NRG1: variants seen among roughly 807,000 people sequenced by gnomAD.
NRG1 encodes pro-neuregulin-1, membrane-bound isoform.
A neutral mutation model predicts 63.8 loss-of-function variants in NRG1; 18 were observed. That is an observed-to-expected ratio of 0.28 (90% CI 0.19 to 0.42). The LOEUF is 0.42. NRG1 is among the 10% of genes least tolerant of loss of function. The probability of loss-of-function intolerance (pLI) is 1.00; values close to 1 mark genes in which losing one functional copy is unlikely to be tolerated. For synonymous variants in NRG1, 302 were observed against 301.3 expected (o/e 1.00, Z -0.02); for missense variants, 762 against 814.7 (o/e 0.94, Z 0.79).
At chr8:32,027,856 C>T (rs961350033) in intron 1 of NRG1, among the ~76,000 whole-genome samples, 1 of 152,100 alleles carries the variant, frequency 6.6e-6, no homozygotes, top group Non-Finnish European at 1.5e-5. Flanking sequence ...ATTCTTGAAT[C>T]TTCACTCTCT....
intron 1 of NRG1, among the ~76,000 whole-genome samples, chr8:31,914,653 C>A (rs542121053): frequency 6.6e-6 from 1 of 151,896 alleles, no homozygotes. Flanking sequence ...GTTAAGTTCA[C>A]GTTTAGGAAA....
At chr8:32,513,292 T>C (rs1424679432) in intron 1 of NRG1, among the ~76,000 whole-genome samples, 1 of 151,722 alleles carries the variant, frequency 6.6e-6, no homozygotes, top group Non-Finnish European at 1.5e-5. Context: ...GTGATATCTT[T>C]CCATATAAGG....
At chr8:32,178,253 G>T (rs1348623689) in intron 1 of NRG1, among the ~76,000 whole-genome samples, 1 of 152,126 alleles carries the variant, frequency 6.6e-6, no homozygotes, top group African/African-American at 2.4e-5. Flanking sequence ...TCTATTTTAG[G>T]TTAAGGAATT....
intron 1 of NRG1, among the ~76,000 whole-genome samples, chr8:31,997,254 T>A (rs1393248561): frequency 6.6e-6 from 1 of 151,656 alleles, no homozygotes; most frequent in Non-Finnish European, 1.5e-5. Flanking sequence ...TCCAGTTCAC[T>A]TTTCAAAGTG....
chr8:32,754,803 T>A (rs1308339809), intron 8 of NRG1, among the ~76,000 whole-genome samples: 1 of 151,884 alleles, frequency 6.6e-6, no homozygotes, highest in African/African-American at 2.4e-5. Context: ...AGAGGGAGGG[T>A]ACCAGAAGTC....
chr8:32,637,327 A>C (rs895936528), intron 5 of NRG1, among the ~76,000 whole-genome samples: 1 of 152,140 alleles, frequency 6.6e-6, no homozygotes, highest in Non-Finnish European at 1.5e-5. Flanking sequence ...TACATTGTTT[A>C]AGAGAACATG....
chr8:32,590,049 C>A (rs1216964161), intron 1 of NRG1, among the ~76,000 whole-genome samples: 1 of 152,064 alleles, frequency 6.6e-6, no homozygotes, highest in Non-Finnish European at 1.5e-5. Context: ...TGCATACCTG[C>A]ATGTTTTGAG....
intron 1 of NRG1, among the ~76,000 whole-genome samples, chr8:31,810,628 A>G (rs1034349854): frequency 6.6e-6 from 1 of 152,022 alleles, no homozygotes; most frequent in Non-Finnish European, 1.5e-5. Flanking sequence ...CACAAAATGC[A>G]CCTCCTCAGA....
At chr8:32,604,598 C>G (rs749393747) in intron 2 of NRG1, among the ~76,000 whole-genome samples, 1 of 152,044 alleles carries the variant, frequency 6.6e-6, no homozygotes, top group Non-Finnish European at 1.5e-5. Context: ...ACCCTGCTGC[C>G]CAGACTGGAG....
At chr8:31,820,731 T>A (rs913179762) in intron 1 of NRG1, among the ~76,000 whole-genome samples, 6 of 152,198 alleles carry the variant, frequency 3.9e-5, no homozygotes, top group African/African-American at 1.4e-4. Context: ...GAAAATAATT[T>A]TATAGATTAA....
In NRG1 at chr8:32,496,220, G is replaced by T. The variant is rs548704284; in HGVS notation, c.38-99608G>T. Among the ~76,000 whole-genome samples the T allele has an allele frequency of 2.0e-5, 3 of 152,256 alleles. No homozygotes were observed. In the South Asian group the frequency reaches 6.2e-4, roughly 32 times the overall value. On this transcript the variant is annotated intron_variant, in intron 1 of 10. Coordinates refer to the NRG1 transcript ENST00000519301. ...TTAAGCAGTAGTTAACAGAATATTA[G>T]ATGTTAGTAAAGTTATTTCTTTGTT...
At chr8:31,735,918 C>A (rs540748586) in intron 1 of NRG1, among the ~76,000 whole-genome samples, 2 of 152,296 alleles carry the variant, frequency 1.3e-5, no homozygotes, top group South Asian at 2.1e-4. Flanking sequence ...CTGCTACCAT[C>A]CGTCATCTTT....
At chr8:32,645,903 T>C (rs1297081873) in intron 5 of NRG1, among the ~76,000 whole-genome samples, 1 of 152,142 alleles carries the variant, frequency 6.6e-6, no homozygotes, top group Non-Finnish European at 1.5e-5. Flanking sequence ...AAAAAAACAG[T>C]CAGCATTGAA....
intron 1 of NRG1, among the ~76,000 whole-genome samples, chr8:31,644,825 A>G (rs1804136773): frequency 6.7e-6 from 1 of 149,358 alleles, no homozygotes; most frequent in Non-Finnish European, 1.5e-5. Context: ...CCTCATAGCA[A>G]TACTTAGCCT....
At position 32,104,518 on chromosome 8, in the gene NRG1, A is replaced by C. The variant is rs545948730; in HGVS notation, c.37+465087A>C. ...ATCTTCTTTCTTCAATAATAAATTA[A>C]TGTTAGCTTACTGTAACTTTCTGAC... On this transcript the variant is annotated intron_variant, in intron 1 of 10. Transcript: ENST00000519301. Among the ~76,000 whole-genome samples, 4 of 152,286 alleles carry C rather than the reference A, an allele frequency of 2.6e-5. No individual in the cohort carries two copies. The South Asian group carries it at 8.3e-4, about 32-fold the overall frequency.
At chr8:32,614,401 C>A (rs1489874060) in intron 3 of NRG1, 113 bp from the exon 4 acceptor site, 10 of 969,126 alleles carry the variant, frequency 1.0e-5, no homozygotes, top group Non-Finnish European at 1.6e-5. Flanking sequence ...TTTCTCACTC[C>A]CTTGCAATAC....
intron 1 of NRG1, among the ~76,000 whole-genome samples, chr8:31,705,563 G>T (rs1185009166): frequency 6.6e-6 from 1 of 152,186 alleles, no homozygotes; most frequent in East Asian, 1.9e-4. Flanking sequence ...GATAATTAAT[G>T]TTGTGACAAG....
intron 1 of NRG1, among the ~76,000 whole-genome samples, chr8:32,031,617 G>GC (rs1452500043): frequency 6.6e-6 from 1 of 151,894 alleles, no homozygotes; most frequent in African/African-American, 2.4e-5. Flanking sequence ...CCCTCCTCTT[G>GC]CCCCCCATGA....
At chr8:31,726,384 G>A (rs1053502516) in intron 1 of NRG1, among the ~76,000 whole-genome samples, 19 of 152,172 alleles carry the variant, frequency 1.2e-4, no homozygotes, top group Admixed American at 1.2e-3. Flanking sequence ...AGTTCAATGA[G>A]AGCAGATGAA....
Sources: gnomAD v4.1 joint callset for allele counts (sites outside exome capture counted in the v4.1 genomes callset) on GRCh38, gnomAD v4.1.1 for gene constraint, MANE v1.5 for transcripts, NCBI Gene and HGNC (gene_info 2026-07-23, HGNC 2026-07-21) for gene names.